PINX1: variants seen among roughly 807,000 people sequenced by gnomAD.
The protein encoded by PINX1 is PIN2/TERF1-interacting telomerase inhibitor 1.
In PINX1, 34 loss-of-function variants were observed where a neutral mutation model predicts 25.4. The ratio of observed to expected loss-of-function variants is 1.34; its 90% CI spans 1.02 to 1.78. PINX1 has a LOEUF of 1.78. Ranked by LOEUF, PINX1 falls within the 40% of genes most tolerant of loss-of-function variation. The pLI, the probability that PINX1 is intolerant of heterozygous loss-of-function variation, is 0.00. For synonymous variants in PINX1, 197 were observed against 147.7 expected, an observed-to-expected ratio of 1.33 and a Z score of -2.42; for missense variants, 592 against 404.9, an observed-to-expected ratio of 1.46 and a Z score of -3.97.
At position 10,765,407 on chromosome 8, in the gene PINX1, G is replaced by A. The variant is rs1370908213; in HGVS notation, c.981C>T (p.Ser327=). The change falls in exon 7 of 7, where the codon TCC becomes TCT. Residue 327 remains serine, a synonymous_variant. Transcript: ENST00000314787. Reference sequence around the variant, plus strand: ...GGCCCCGGCTGGGAAGGATTCATTTGGAATCTTTCTTCTTCTTCTTTTTCA... The same window carrying A: ...GGCCCCGGCTGGGAAGGATTCATTTAGAATCTTTCTTCTTCTTCTTTTTCA... ...TLVKKKKKKD[S]K 3 of 1,600,308 alleles carry A rather than the reference G, an allele frequency of 1.9e-6. No homozygotes were observed. Among genetic ancestry groups the A allele is most frequent in the Non-Finnish European group, 2.6e-6 (3 of 1,175,882 alleles).
rs1428894028 is a variant in PINX1 at position 10,765,480 on chromosome 8, T to C, written c.908A>G (p.Gln303Arg). 2.5e-6 allele frequency: 4 copies of C among 1,613,558 alleles called. No homozygotes were observed. The highest frequency in any genetic ancestry group is 3.4e-6 in the Non-Finnish European group (4 of 1,179,896). The change falls in exon 7 of 7, where the codon CAA becomes CGA. Residue 303 changes from glutamine (Q) to arginine (R), a missense_variant. Transcript: ENST00000314787. ...PKKRRGKKKLQKPVEIAEDAT... is the reference protein window; with the variant it reads ...PKKRRGKKKLRKPVEIAEDAT... ...GTCCTCTGCTATCTCTACTGGTTTTTGCAGCTTTTTCTTCCCTCTCCTCTT... is the reference window on the plus strand; with the variant it reads ...GTCCTCTGCTATCTCTACTGGTTTTCGCAGCTTTTTCTTCCCTCTCCTCTT...
At chr8:10,834,492 C>CTT in intron 2 of PINX1, 174 bp downstream of exon 2, 1 of 933,742 alleles carries the variant, frequency 1.1e-6, no homozygotes, top group South Asian at 1.8e-5. Context: ...AAAGTTGACA[C>CTT]TTATGTCCAA....
chr8:10,794,227 T>C (rs1168421402), intron 6 of PINX1, among the ~76,000 whole-genome samples: 2 of 152,188 alleles, frequency 1.3e-5, no homozygotes, highest in Non-Finnish European at 2.9e-5. Flanking sequence ...TGGTAATCTA[T>C]CACGATTAAA....
At chr8:10,779,054 T>C (rs1801502109) in intron 6 of PINX1, among the ~76,000 whole-genome samples, 1 of 152,212 alleles carries the variant, frequency 6.6e-6, no homozygotes, top group African/African-American at 2.4e-5. Context: ...AAAATTACGC[T>C]TCCATTTTGG....
chr8:10,814,088 A>G (rs1169289409), intron 6 of PINX1, among the ~76,000 whole-genome samples: 1 of 152,194 alleles, frequency 6.6e-6, no homozygotes, highest in Non-Finnish European at 1.5e-5. Context: ...GGGCCCTGGG[A>G]ATCTCAATTC....
At chr8:10,805,115 G>C (rs1290303746) in intron 6 of PINX1, among the ~76,000 whole-genome samples, 3 of 152,182 alleles carry the variant, frequency 2.0e-5, no homozygotes, top group South Asian at 2.1e-4. Flanking sequence ...AATAGGTGAG[G>C]CCTGTCTCTC....
At chr8:10,821,775 T>C (rs1311046721) in intron 5 of PINX1, 1 of 152,174 alleles carries the variant, frequency 6.6e-6, no homozygotes, top group Non-Finnish European at 1.5e-5. Context: ...TGGCCATCTA[T>C]CCCTAACCTA....
chr8:10,777,221 T>C (rs1157096457), intron 6 of PINX1, among the ~76,000 whole-genome samples: 5 of 152,204 alleles, frequency 3.3e-5, no homozygotes, highest in East Asian at 1.9e-4. Context: ...GAGTGTCTTA[T>C]TATGAAGTTA....
intron 5 of PINX1, among the ~76,000 whole-genome samples, chr8:10,823,777 G>A (rs1358822989): frequency 2.0e-5 from 3 of 152,168 alleles, no homozygotes; most frequent in African/African-American, 4.8e-5. Context: ...GCAGTGAGCT[G>A]AGACTGTTCC....
chr8:10,799,181 A>G (rs1802184487), intron 6 of PINX1, among the ~76,000 whole-genome samples: 1 of 152,168 alleles, frequency 6.6e-6, no homozygotes, highest in Non-Finnish European at 1.5e-5. Context: ...ATCTGGACAG[A>G]GTACCTGCAA....
chr8:10,838,372 ACT>A (rs1798468763), intron 1 of PINX1, among the ~76,000 whole-genome samples: 1 of 152,192 alleles, frequency 6.6e-6, no homozygotes, highest in African/African-American at 2.4e-5. Flanking sequence ...AACTGAAAAC[ACT>A]CTCTTGAAAT....
intron 6 of PINX1, among the ~76,000 whole-genome samples, chr8:10,799,248 T>C (rs1802187361): frequency 6.6e-6 from 1 of 152,200 alleles, no homozygotes; most frequent in Non-Finnish European, 1.5e-5. Flanking sequence ...TGTTTTATGC[T>C]GTTAACTATA....
chr8:10,830,970 A>T (rs1798211140), intron 4 of PINX1, among the ~76,000 whole-genome samples: 1 of 152,238 alleles, frequency 6.6e-6, no homozygotes, highest in Admixed American at 6.5e-5. Context: ...AAAGGAAATC[A>T]GCATGTTGCA....
chr8:10,816,195 T>C (rs1017601467), intron 6 of PINX1, among the ~76,000 whole-genome samples: 4 of 152,216 alleles, frequency 2.6e-5, no homozygotes, highest in African/African-American at 9.6e-5. Context: ...GGCACAGAGC[T>C]GTATGAGCAG....
intron 6 of PINX1, among the ~76,000 whole-genome samples, chr8:10,770,692 G>A (rs1586129055): frequency 6.6e-6 from 1 of 152,178 alleles, no homozygotes; most frequent in Non-Finnish European, 1.5e-5. Context: ...TTGGGGCAAG[G>A]AAATGAAGCA....
At chr8:10,803,070 T>A (rs1003985352) in intron 6 of PINX1, among the ~76,000 whole-genome samples, 4 of 152,144 alleles carry the variant, frequency 2.6e-5, no homozygotes, top group Non-Finnish European at 5.9e-5. Context: ...GAACATATTA[T>A]TAGTAGATTA....
chr8:10,805,789 C>A (rs1463943274), intron 6 of PINX1, among the ~76,000 whole-genome samples: 1 of 121,158 alleles, frequency 8.3e-6, no homozygotes, highest in African/African-American at 3.0e-5. Context: ...GGTGGCAGAG[C>A]ACAGGAAGAA....
chr8:10,785,331 C>G (rs913610869), intron 6 of PINX1, among the ~76,000 whole-genome samples: 1 of 152,186 alleles, frequency 6.6e-6, no homozygotes. Context: ...CCATCAGAAT[C>G]TTATTTTAAT....
chr8:10,831,956 G>T (rs549720147), intron 3 of PINX1, among the ~76,000 whole-genome samples: 1 of 152,280 alleles, frequency 6.6e-6, no homozygotes, highest in African/African-American at 2.4e-5. Context: ...GGGCTTCCTG[G>T]AAGCTTAAGG....
Sources: allele counts gnomAD v4.1 joint callset (sites outside exome capture counted in the v4.1 genomes callset), GRCh38; gene constraint gnomAD v4.1.1; transcripts MANE v1.5; gene names NCBI Gene and HGNC (gene_info 2026-07-23, HGNC 2026-07-21).